Variants in PTPRN2 observed in about 807,000 individuals in gnomAD.
PTPRN2 encodes receptor-type tyrosine-protein phosphatase N2.
In PTPRN2, 74 loss-of-function variants were observed where a neutral mutation model predicts 118.8. The ratio of observed to expected loss-of-function variants is 0.62; its 90% CI spans 0.52 to 0.76. The LOEUF (loss-of-function observed/expected upper bound fraction) is 0.76. PTPRN2 is among the 30% of genes least tolerant of loss of function. The pLI, the probability that PTPRN2 is intolerant of heterozygous loss-of-function variation, is 0.00. For missense variants in PTPRN2, 1,481 were observed against 1,394.4 expected (o/e 1.06, Z -0.99); for synonymous variants, 641 against 608.0 (o/e 1.05, Z -0.80).
chr7:158,169,173 CCT>C (rs1318539103), intron 5 of PTPRN2, among the ~76,000 whole-genome samples: 2 of 152,144 alleles, frequency 1.3e-5, no homozygotes, highest in Non-Finnish European at 2.9e-5. Flanking sequence ...TTGGGTTCAT[CCT>C]CTGAGTTAGA....
Position 158,529,599 on chromosome 7 carries a change from A to G in PTPRN2, c.113-39814T>C, listed in dbSNP as rs1825063067. Among the ~76,000 whole-genome samples the G allele has an allele frequency of 6.6e-6, 1 of 152,224 alleles. No homozygotes were observed. ...TGAGTCAAATGTGGGGAGAGTGGCA[A>G]CTGTGTGAGTCTGGGCTCCAATCAG... is the stretch of plus-strand genomic sequence containing the variant. On this transcript the variant is annotated intron_variant, in intron 1 of 22. Coordinates refer to ENST00000389418, the MANE Select transcript of PTPRN2 (RefSeq NM_002847.5). This position sits in a 1 kb window ranked among gnomAD's most constrained non-coding sequence, Gnocchi z 4.7.
intron 1 of PTPRN2, among the ~76,000 whole-genome samples, chr7:158,559,142 T>C (rs545856820): frequency 6.6e-6 from 1 of 152,196 alleles, no homozygotes; most frequent in Non-Finnish European, 1.5e-5. Context: ...TTGGAGGAGA[T>C]TCTTCTCTCA....
At chr7:158,401,228 G>C (rs543163372) in intron 2 of PTPRN2, among the ~76,000 whole-genome samples, 5 of 152,178 alleles carry the variant, frequency 3.3e-5, no homozygotes, top group South Asian at 2.1e-4. Context: ...GGCTCATCCC[G>C]TGAGCAAGGA....
At chr7:157,840,289 G>A (rs1292052819) in intron 12 of PTPRN2, among the ~76,000 whole-genome samples, 2 of 136,404 alleles carry the variant, frequency 1.5e-5, no homozygotes, top group Non-Finnish European at 3.0e-5. Flanking sequence ...CTGTGTGACC[G>A]TGTGACTGTG....
intron 12 of PTPRN2, among the ~76,000 whole-genome samples, chr7:157,746,074 C>A (rs1800911826): frequency 6.7e-6 from 1 of 148,568 alleles, no homozygotes. Context: ...ACTCCCTACA[C>A]CCCACAGTCC....
chr7:158,059,327 C>G (rs1306801594), intron 11 of PTPRN2, among the ~76,000 whole-genome samples: 2 of 130,558 alleles, frequency 1.5e-5, no homozygotes, highest in African/African-American at 3.5e-5. Context: ...CACACAGTGA[C>G]GCATCACTGC....
At chr7:157,569,417 G>T (rs1799653049) in intron 20 of PTPRN2, among the ~76,000 whole-genome samples, 1 of 152,246 alleles carries the variant, frequency 6.6e-6, no homozygotes, top group South Asian at 2.1e-4. Context: ...GCTCATGCAC[G>T]CAGGGACACT....
intron 14 of PTPRN2, among the ~76,000 whole-genome samples, chr7:157,651,311 C>T (rs182327408): frequency 6.6e-6 from 1 of 152,310 alleles, no homozygotes; most frequent in African/African-American, 2.4e-5. Context: ...CTCCTGTGCC[C>T]TCAGTGCCTC....
chr7:158,540,238 G>C (rs548757074), intron 1 of PTPRN2, among the ~76,000 whole-genome samples: 3 of 152,132 alleles, frequency 2.0e-5, no homozygotes, highest in African/African-American at 2.4e-5. Context: ...CAGGAGCCTC[G>C]GGCCCACCAA....
rs927435582 is a variant in PTPRN2 at position 158,170,606 on chromosome 7, G to A, written c.550-3315C>T. ...GCCTGTAGAAATAATAGCAAACATC[G>A]GTTTTTGCAAGCCACTCCGGCTACT... is the stretch of plus-strand genomic sequence containing the variant. On this transcript the variant is annotated intron_variant, in intron 5 of 22. Transcript: ENST00000389418. Among the ~76,000 whole-genome samples the A allele has an allele frequency of 6.6e-5, 10 of 152,282 alleles. 1 individual carries two copies. Among genetic ancestry groups the A allele is most frequent in the South Asian group, 2.1e-4 (1 of 4,822 alleles).
chr7:158,211,895 C>G (rs376494854), intron 3 of PTPRN2, among the ~76,000 whole-genome samples: 6 of 152,210 alleles, frequency 3.9e-5, no homozygotes, highest in East Asian at 1.9e-4. Context: ...ATCAGTGTAT[C>G]AAATTGATAT....
At chr7:158,282,729 C>T (rs2151002784) in intron 3 of PTPRN2, among the ~76,000 whole-genome samples, 2 of 151,836 alleles carry the variant, frequency 1.3e-5, no homozygotes, top group Middle Eastern at 7.0e-3. Context: ...CGTGCTCCCA[C>T]ATGCAGCAGC....
intron 5 of PTPRN2, among the ~76,000 whole-genome samples, chr7:158,182,376 G>A (rs1180320404): frequency 2.6e-5 from 4 of 152,042 alleles, no homozygotes; most frequent in African/African-American, 9.7e-5. Flanking sequence ...TAAAAAGACG[G>A]GATACACGTG....
At chr7:158,329,809 C>G (rs1279881384) in intron 2 of PTPRN2, among the ~76,000 whole-genome samples, 1 of 152,180 alleles carries the variant, frequency 6.6e-6, no homozygotes, top group Admixed American at 6.5e-5. Flanking sequence ...GGTCCCACTT[C>G]ACCGCTCGAG....
At chr7:157,633,868 T>C (rs759082903) in intron 14 of PTPRN2, among the ~76,000 whole-genome samples, 1 of 152,222 alleles carries the variant, frequency 6.6e-6, no homozygotes, top group Non-Finnish European at 1.5e-5. Context: ...GAAGCTTTCA[T>C]GAGTTTTAAG....
At chr7:157,621,701 T>C (rs2150642283) in intron 14 of PTPRN2, among the ~76,000 whole-genome samples, 192 bp from the exon 15 acceptor site, 1 of 152,392 alleles carries the variant, frequency 6.6e-6, no homozygotes, top group East Asian at 1.9e-4. Context: ...AAGTGAAATA[T>C]GTGCATTGTT....
chr7:158,402,711 T>C (rs1813044155), intron 2 of PTPRN2, among the ~76,000 whole-genome samples: 1 of 152,186 alleles, frequency 6.6e-6, no homozygotes, highest in African/African-American at 2.4e-5. Flanking sequence ...CTGTCGTGCC[T>C]GCTCTCCGGA....
chr7:158,024,743 A>C (rs747433193), intron 11 of PTPRN2, among the ~76,000 whole-genome samples: 74 of 152,254 alleles, frequency 4.9e-4, no homozygotes, highest in Non-Finnish European at 8.5e-4. Context: ...CCAGCTTGGC[A>C]GGAGCTGATG....
At chr7:158,018,166 T>C (rs1806580605) in intron 11 of PTPRN2, among the ~76,000 whole-genome samples, 1 of 152,212 alleles carries the variant, frequency 6.6e-6, no homozygotes, top group South Asian at 2.1e-4. Context: ...CTGATTCCTC[T>C]TCAAGGAACG....
Sources: allele counts gnomAD v4.1 joint callset (sites outside exome capture counted in the v4.1 genomes callset), GRCh38; gene constraint gnomAD v4.1.1; non-coding constraint Gnocchi (gnomAD v3.1); transcripts MANE v1.5; gene names NCBI Gene and HGNC (gene_info 2026-07-23, HGNC 2026-07-21).